The following PTPRN2 variants were observed in gnomAD, a reference collection of about 807,000 sequenced individuals.
PTPRN2 encodes the protein protein tyrosine phosphatase receptor type N2, also known as receptor-type tyrosine-protein phosphatase N2.
A neutral mutation model predicts 118.8 loss-of-function variants in PTPRN2; 74 were observed. The ratio of observed to expected loss-of-function variants is 0.62; its 90% CI spans 0.52 to 0.76. The LOEUF is 0.76. Among genes scored for constraint, PTPRN2 ranks in the 30% least tolerant of loss-of-function variants. The pLI, the probability that PTPRN2 is intolerant of heterozygous loss-of-function variation, is 0.00. For synonymous variants in PTPRN2, 641 were observed against 608.0 expected (o/e 1.05, Z -0.80); for missense variants, 1,481 against 1,394.4 (o/e 1.06, Z -0.99).
intron 21 of PTPRN2, among the ~76,000 whole-genome samples, chr7:157,562,309 T>C (rs1799232870): frequency 6.6e-6 from 1 of 152,030 alleles, no homozygotes; most frequent in South Asian, 2.1e-4. Context: ...CGAGGGGTGA[T>C]GGGGCTGGGC....
rs1394491849 is a variant in PTPRN2, at chr7:157,690,771, G to C, written c.1789-7834C>G. On this transcript the variant is annotated intron_variant, in intron 12 of 22. Coordinates refer to ENST00000389418, the MANE Select transcript of PTPRN2 (RefSeq NM_002847.5). The surrounding 1 kb of genome is among the most constrained non-coding windows in gnomAD (Gnocchi z 7.1). ...AAAGGTGCCGCGCGTCGCTGCTCCA[G>C]CAGCAGCGGCTGCGCGGCGGCACGG... 2.0e-5 allele frequency among the ~76,000 whole-genome samples: 3 copies of C among 150,900 alleles called. No homozygotes were observed. Among genetic ancestry groups the C allele is most frequent in the African/African-American group, 7.3e-5 (3 of 41,292 alleles).
In PTPRN2 at chr7:157,801,090, C is replaced by CAT. The variant is rs146997966; in HGVS notation, c.1788+97581_1788+97582dup. 7.0e-4 allele frequency among the ~76,000 whole-genome samples: 105 copies of CAT among 150,086 alleles called. No individual in the cohort carries two copies. Among genetic ancestry groups the CAT allele is most frequent in the African/African-American group, 2.3e-3 (93 of 40,130 alleles). On this transcript the variant is annotated intron_variant, in intron 12 of 22. Transcript: ENST00000389418. The surrounding 1 kb of genome is among the most constrained non-coding windows in gnomAD (Gnocchi z 4.2). ...ACACATATATATACACACACACACA[C>CAT]ATATATATATGCACATATATATGAA...
intron 9 of PTPRN2, among the ~76,000 whole-genome samples, chr7:158,132,790 C>G (rs1159158178): frequency 6.6e-6 from 1 of 151,916 alleles, no homozygotes; most frequent in Admixed American, 6.6e-5. Flanking sequence ...CACTCATATA[C>G]ACACACATGC....
intron 12 of PTPRN2, among the ~76,000 whole-genome samples, chr7:157,844,500 A>G (rs535123933): frequency 3.2e-4 from 49 of 152,306 alleles, no homozygotes; most frequent in Non-Finnish European, 6.3e-4. Context: ...CCACTGAGGA[A>G]ACTGCCAGGT....
chr7:158,329,864 G>A (rs1338794900), intron 2 of PTPRN2, among the ~76,000 whole-genome samples: 1 of 152,080 alleles, frequency 6.6e-6, no homozygotes, highest in Admixed American at 6.5e-5. Flanking sequence ...GACTGTAGAT[G>A]CCAGCGTCTG....
At chr7:158,084,364 G>C (rs1200670468) in intron 10 of PTPRN2, among the ~76,000 whole-genome samples, 2 of 152,012 alleles carry the variant, frequency 1.3e-5, no homozygotes, top group African/African-American at 4.8e-5. Flanking sequence ...TCTGGGTAGG[G>C]AGTGAGGTCA....
intron 12 of PTPRN2, among the ~76,000 whole-genome samples, chr7:157,744,013 G>C (rs942643024): frequency 6.6e-6 from 1 of 152,240 alleles, no homozygotes; most frequent in Non-Finnish European, 1.5e-5. Flanking sequence ...TGCAGGAGAC[G>C]TGCTCCGGGG....
intron 2 of PTPRN2, among the ~76,000 whole-genome samples, chr7:158,320,402 C>T (rs111420073): frequency 2.6e-5 from 4 of 151,940 alleles, no homozygotes; most frequent in Middle Eastern, 3.4e-3. Flanking sequence ...CCAGCAGCTG[C>T]GATGGCACCC....
chr7:157,991,015 G>A (rs1804215785), intron 11 of PTPRN2, among the ~76,000 whole-genome samples: 1 of 152,238 alleles, frequency 6.6e-6, no homozygotes, highest in African/African-American at 2.4e-5. Flanking sequence ...TGTGCGGGGT[G>A]TGGACATGAG....
intron 6 of PTPRN2, among the ~76,000 whole-genome samples, chr7:158,144,027 C>T (rs73173608): frequency 0.1 from 15,152 of 152,122 alleles, 836 homozygotes; most frequent in African/African-American, 0.14. Context: ...TGACGTGGTC[C>T]GTGCGGGGAC....
intron 11 of PTPRN2, among the ~76,000 whole-genome samples, chr7:157,949,188 G>A (rs761419776): frequency 2.6e-5 from 4 of 152,156 alleles, no homozygotes; most frequent in Admixed American, 6.5e-5. Context: ...ATATGCTGTC[G>A]GTTAGGGACT....
intron 11 of PTPRN2, among the ~76,000 whole-genome samples, chr7:157,982,137 G>T: frequency 7.6e-6 from 1 of 131,092 alleles, no homozygotes; most frequent in East Asian, 2.3e-4. Flanking sequence ...AGAGTGCAGC[G>T]TCCCCCATAA....
intron 2 of PTPRN2, among the ~76,000 whole-genome samples, chr7:158,388,255 G>C (rs553105051): frequency 6.6e-6 from 1 of 152,090 alleles, no homozygotes; most frequent in South Asian, 2.1e-4. Context: ...GGGAAGCCAC[G>C]GTTCACGTCA....
chr7:158,437,527 C>T (rs1411852450), intron 2 of PTPRN2, among the ~76,000 whole-genome samples: 1 of 152,146 alleles, frequency 6.6e-6, no homozygotes, highest in Non-Finnish European at 1.5e-5. Flanking sequence ...CCTCACTAGA[C>T]AGCCAGATCG....
At chr7:157,849,975 C>T (rs1809149103) in intron 12 of PTPRN2, among the ~76,000 whole-genome samples, 1 of 152,242 alleles carries the variant, frequency 6.6e-6, no homozygotes, top group Admixed American at 6.5e-5. Context: ...CCCCGTCCCT[C>T]AGGGATGGTC....
At chr7:157,737,035 TAAG>T (rs1800340334) in intron 12 of PTPRN2, among the ~76,000 whole-genome samples, 1 of 152,200 alleles carries the variant, frequency 6.6e-6, no homozygotes, top group Non-Finnish European at 1.5e-5. Context: ...ATCTTCTCAG[TAAG>T]AAGAAACCCC....
rs1373470736 is a variant in PTPRN2, at chr7:158,052,490, C to G, written c.1723+28808G>C. On this transcript the variant is annotated intron_variant, in intron 11 of 22. Coordinates refer to ENST00000389418, the MANE Select transcript of PTPRN2 (RefSeq NM_002847.5). ...AGCATCAGCACCAAAGGCACCCAGC[C>G]TCCTGGGGAAGCCCTGAGTCTCCGC... Among the ~76,000 whole-genome samples the G allele has an allele frequency of 2.0e-5, 3 of 152,352 alleles. No homozygotes were observed. In the South Asian group the frequency reaches 6.2e-4, roughly 32 times the overall value.
At chr7:157,848,520 T>C (rs1809044784) in intron 12 of PTPRN2, among the ~76,000 whole-genome samples, 2 of 152,254 alleles carry the variant, frequency 1.3e-5, no homozygotes, top group South Asian at 2.1e-4. Flanking sequence ...GTGTGCCCGA[T>C]ATTTACGGAG....
chr7:157,688,983 C>A (rs1797333338), intron 12 of PTPRN2, among the ~76,000 whole-genome samples: 1 of 152,204 alleles, frequency 6.6e-6, no homozygotes, highest in Non-Finnish European at 1.5e-5. Context: ...GAGGGTGCTG[C>A]GGCCCAGCCT....
Sources: allele counts gnomAD v4.1 joint callset (sites outside exome capture counted in the v4.1 genomes callset), GRCh38; gene constraint gnomAD v4.1.1; non-coding constraint Gnocchi (gnomAD v3.1); transcripts MANE v1.5; gene names NCBI Gene and HGNC (gene_info 2026-07-23, HGNC 2026-07-21).